The following RBPJ variants were observed in gnomAD, a reference collection of about 807,000 sequenced individuals.
RBPJ encodes recombining binding protein suppressor of hairless.
RBPJ carries 9 observed loss-of-function variants against 67.8 expected under a neutral mutation model. The ratio of observed to expected loss-of-function variants is 0.13; its 90% CI spans 0.08 to 0.23. The LOEUF is 0.23. Among genes scored for constraint, RBPJ ranks in the 10% least tolerant of loss-of-function variants. RBPJ has a pLI of 1.00. For missense variants in RBPJ, 305 were observed against 595.6 expected (o/e 0.51, Z 5.08); for synonymous variants, 198 against 203.3 (o/e 0.97, Z 0.22).
intron 1 of RBPJ, among the ~76,000 whole-genome samples, chr4:26,215,976 G>A (rs1203016507): frequency 6.6e-6 from 1 of 152,098 alleles, no homozygotes; most frequent in African/African-American, 2.4e-5. Context: ...TCAGAGTTCT[G>A]GAGACCAGAA....
At chr4:26,170,712 C>T (rs113736791) in intron 1 of RBPJ, among the ~76,000 whole-genome samples, 27 of 152,146 alleles carry the variant, frequency 1.8e-4, no homozygotes, top group Admixed American at 5.9e-4. Flanking sequence ...ATAATTTATG[C>T]GACCTTAAGA....
intron 1 of RBPJ, among the ~76,000 whole-genome samples, chr4:26,239,872 T>A (rs1015893103): frequency 6.6e-6 from 1 of 152,200 alleles, no homozygotes; most frequent in African/African-American, 2.4e-5. Context: ...TTCATCACAG[T>A]TCCACTCAAA....
Position 26,270,440 on chromosome 4 carries a change from G to GAAA in RBPJ, c.-166-92005_-166-92003dup, listed in dbSNP as rs60161865. Among the ~76,000 whole-genome samples, 7 of 95,528 alleles carry GAAA rather than the reference G, an allele frequency of 7.3e-5. 1 individual carries two copies. The highest frequency in any genetic ancestry group is 3.1e-4 in the African/African-American group (7 of 22,894). 62.7% of individuals were successfully genotyped at this position (95,528 alleles called of 152,430 possible). On this transcript the variant is annotated intron_variant, in intron 1 of 4. Coordinates refer to the RBPJ transcript ENST00000512351. ...AAGAAAGAAAGAAAGAAAGAAAGAA[G>GAAA]AAAGAAAGAAAGAAAGAAAAGAAAA...
chr4:26,256,569 G>T (rs1239984308), intron 1 of RBPJ, among the ~76,000 whole-genome samples: 1 of 152,088 alleles, frequency 6.6e-6, no homozygotes, highest in African/African-American at 2.4e-5. Context: ...ATATAAGAAT[G>T]ATCAGATAGC....
intron 1 of RBPJ, among the ~76,000 whole-genome samples, chr4:26,296,836 T>C (rs1171657474): frequency 6.6e-6 from 1 of 152,196 alleles, no homozygotes; most frequent in Non-Finnish European, 1.5e-5. Flanking sequence ...GTCCTGGTAT[T>C]ATTCAGGCAA....
the RBPJ span, among the ~76,000 whole-genome samples, chr4:26,109,456 C>G: frequency 5.4e-5 from 1 of 18,668 alleles, no homozygotes; most frequent in African/African-American, 3.1e-4. Context: ...CTCTCTCTCT[C>G]TCTCTATATA....
At chr4:26,366,572 G>C (rs778006044) in intron 1 of RBPJ, among the ~76,000 whole-genome samples, 4 of 151,810 alleles carry the variant, frequency 2.6e-5, no homozygotes, top group Non-Finnish European at 5.9e-5. Flanking sequence ...CTACAGGCGC[G>C]TGCCATCATG....
intron 1 of RBPJ, among the ~76,000 whole-genome samples, chr4:26,194,002 C>T (rs1020675896): frequency 6.6e-5 from 10 of 152,230 alleles, no homozygotes; most frequent in Non-Finnish European, 1.3e-4. Context: ...AACATTCCCT[C>T]TCTCTTCCTT....
At chr4:26,315,132 T>G (rs530604834), upstream of RBPJ, among the ~76,000 whole-genome samples, 21 of 105,814 alleles carry the variant, frequency 2.0e-4, no homozygotes, top group Admixed American at 1.1e-3. Context: ...GTGACAGAGC[T>G]AGTCTCTGTC....
the RBPJ span, among the ~76,000 whole-genome samples, chr4:26,122,247 C>A: frequency 6.6e-6 from 1 of 152,140 alleles, no homozygotes; most frequent in South Asian, 2.1e-4. Context: ...CTGATTTGCA[C>A]CCTAGATCAA....
upstream of RBPJ, among the ~76,000 whole-genome samples, chr4:26,318,701 G>T (rs1179627684): frequency 1.3e-5 from 2 of 152,070 alleles, no homozygotes; most frequent in African/African-American, 2.4e-5. Flanking sequence ...AGATTAGAAA[G>T]AAAACAACCA....
In RBPJ at chr4:26,391,711, C is replaced by A. The variant is rs146040696; in HGVS notation, c.59+5320C>A. On this transcript the variant is annotated intron_variant, in intron 2 of 10. Transcript: ENST00000355476. ...GAAAAGTAAATAATAAGGAAACAATCCATTTTTAAAGGGTGGAAATGGTCT... is the reference window on the plus strand; with the variant it reads ...GAAAAGTAAATAATAAGGAAACAATACATTTTTAAAGGGTGGAAATGGTCT... Among the ~76,000 whole-genome samples, 164 of 152,204 alleles carry A rather than the reference C, an allele frequency of 1.1e-3. 1 individual carries two copies. The highest frequency in any genetic ancestry group is 3.8e-3 in the African/African-American group (157 of 41,540).
At chr4:26,401,311 ATGAT>A (rs1167934893) in intron 2 of RBPJ, among the ~76,000 whole-genome samples, 4 of 152,246 alleles carry the variant, frequency 2.6e-5, no homozygotes, top group African/African-American at 9.6e-5. Flanking sequence ...CACTAACGGT[ATGAT>A]TTTGTCCTCA....
At chr4:26,421,211 T>G (rs1316961498) in intron 5 of RBPJ, among the ~76,000 whole-genome samples, 2 of 152,244 alleles carry the variant, frequency 1.3e-5, no homozygotes. Context: ...TGCTGTCTCA[T>G]CAGCCTATTT....
intron 1 of RBPJ, among the ~76,000 whole-genome samples, chr4:26,237,388 GC>G (rs2109213432): frequency 6.6e-6 from 1 of 152,218 alleles, no homozygotes; most frequent in South Asian, 2.1e-4. Context: ...ATTTGAAAAG[GC>G]TGCCTATTAA....
At chr4:26,300,034 G>C (rs1371821001) in intron 1 of RBPJ, among the ~76,000 whole-genome samples, 1 of 152,100 alleles carries the variant, frequency 6.6e-6, no homozygotes, top group African/African-American at 2.4e-5. Context: ...AAGGTTTTTG[G>C]AGGAGTGGAA....
the RBPJ span, among the ~76,000 whole-genome samples, chr4:26,119,267 A>G: frequency 5.9e-5 from 9 of 152,180 alleles, no homozygotes; most frequent in Admixed American, 1.3e-4. Flanking sequence ...TAGAGTGACA[A>G]TAAAAACCTC....
chr4:26,414,324 C>G (rs550189286), intron 3 of RBPJ, among the ~76,000 whole-genome samples: 2 of 152,170 alleles, frequency 1.3e-5, no homozygotes, highest in African/African-American at 2.4e-5. Flanking sequence ...CGCCTGCCAC[C>G]ACGCCCACTA....
intron 1 of RBPJ, among the ~76,000 whole-genome samples, chr4:26,298,657 T>C (rs1180240625): frequency 6.6e-6 from 1 of 152,204 alleles, no homozygotes; most frequent in African/African-American, 2.4e-5. Context: ...CAAATTCCTA[T>C]AAACTCAAGA....
Sources: allele counts gnomAD v4.1 joint callset (sites outside exome capture counted in the v4.1 genomes callset), GRCh38; gene constraint gnomAD v4.1.1; transcripts MANE v1.5; gene names NCBI Gene and HGNC (gene_info 2026-07-23, HGNC 2026-07-21).